Variants in AREL1 observed in about 807,000 individuals in gnomAD.
The protein encoded by AREL1 is apoptosis resistant E3 ubiquitin protein ligase 1.
AREL1 carries 62 observed loss-of-function variants against 99.0 expected under a neutral mutation model. That is an observed-to-expected ratio of 0.63 (90% CI 0.51 to 0.77). The LOEUF (loss-of-function observed/expected upper bound fraction) is 0.77. Ranked by LOEUF, AREL1 falls within the 30% of genes least tolerant of loss-of-function variation. The probability of loss-of-function intolerance (pLI) is 0.00; values close to 1 mark genes in which losing one functional copy is unlikely to be tolerated. For synonymous variants in AREL1, 380 were observed against 376.5 expected (o/e 1.01, Z -0.11); for missense variants, 879 against 1,027.6 (o/e 0.86, Z 1.98).
At chr14:74,705,001 G>A (rs1010071245) in intron 1 of AREL1, among the ~76,000 whole-genome samples, 17 of 151,248 alleles carry the variant, frequency 1.1e-4, no homozygotes, top group Admixed American at 1.1e-3. Context: ...CAAATTCAAT[G>A]CTGCACATTA....
chr14:74,673,978 A>C, intron 9 of AREL1, 56 bp downstream of exon 9: 2 of 1,448,474 alleles, frequency 1.4e-6, no homozygotes, highest in Non-Finnish European at 1.9e-6. Flanking sequence ...TAAAAGGCTG[A>C]GATAGTCCAG....
At chr14:74,685,524 G>A (rs1472904406) in intron 3 of AREL1, 76 bp downstream of exon 3, 1 of 1,534,166 alleles carries the variant, frequency 6.5e-7, no homozygotes, top group Non-Finnish European at 9.0e-7. Context: ...AAAGGGAAAA[G>A]AATAGGCAGA....
In AREL1 at chr14:74,675,695, C is replaced by T. The variant is rs751413375; in HGVS notation, c.1080+4G>A. On this transcript the variant is annotated splice_donor_region_variant and intron_variant, in intron 8 of 19. Transcript: ENST00000356357. ...GATTTTATGTCGAGAATGGAAGGTC[C>T]AACCTTTGGTGACACATAGCAGTAC... The T allele has an allele frequency of 6.8e-6, 11 of 1,612,404 alleles. No individual in the cohort carries two copies. Among genetic ancestry groups the T allele is most frequent in the Non-Finnish European group, 9.3e-6 (11 of 1,178,788 alleles).
At position 74,664,826 on chromosome 14, in the gene AREL1, G is replaced by A. The variant is rs1228435206; in HGVS notation, c.2193+10C>T. 6.2e-7 allele frequency: 1 copy of A among 1,611,162 alleles called. No individual in the cohort carries two copies. The highest frequency in any genetic ancestry group is 8.5e-7 in the Non-Finnish European group (1 of 1,178,300). The stretch of plus-strand genomic sequence containing the variant: ...CACAAATCCAACTGAAAGAAGTTTG[G>A]TCCATTTACCTTTTCTCTGAAATGC... On this transcript the variant is annotated intron_variant, in intron 18 of 19. Coordinates refer to ENST00000356357, the MANE Select transcript of AREL1 (RefSeq NM_001039479.2).
At chr14:74,690,461 C>T (rs2089853533) in intron 2 of AREL1, among the ~76,000 whole-genome samples, 2 of 152,102 alleles carry the variant, frequency 1.3e-5, no homozygotes, top group African/African-American at 2.4e-5. Context: ...TTGAGCCAGG[C>T]GTTGTAAGTT....
At chr14:74,697,579 C>CTCA (rs1402258925) in intron 1 of AREL1, among the ~76,000 whole-genome samples, 3 of 152,202 alleles carry the variant, frequency 2.0e-5, no homozygotes, top group Non-Finnish European at 4.4e-5. Flanking sequence ...GATATTTATA[C>CTCA]AGTTGTCTAT....
At position 74,670,866 on chromosome 14, in the gene AREL1, C is replaced by A; in HGVS notation, c.1504G>T (p.Asp502Tyr). 1 of 1,613,932 alleles carries A rather than the reference C, an allele frequency of 6.2e-7. No homozygotes were observed. Among genetic ancestry groups the A allele is most frequent in the Non-Finnish European group, 8.5e-7 (1 of 1,179,872 alleles). ...EVVFQDEEAL[D>Y]WGGPRREWFE... Reference sequence around the variant, plus strand: ...CATTCCCGGCGAGGCCCTCCCCAGTCCAGAGCTGAAAAGCATAATGAAAAT... The same window carrying A: ...CATTCCCGGCGAGGCCCTCCCCAGTACAGAGCTGAAAAGCATAATGAAAAT... Residue 502 changes from aspartate (D) to tyrosine (Y), a missense_variant, in exon 13 of 20, where the codon GAC becomes TAC. Physicochemically the swap from Asp to Tyr is radical, Grantham distance 160 (BLOSUM62 -3). Coordinates refer to ENST00000356357, the MANE Select transcript of AREL1 (RefSeq NM_001039479.2).
chr14:74,699,394 A>C (rs2090041112), intron 1 of AREL1, among the ~76,000 whole-genome samples: 1 of 148,012 alleles, frequency 6.8e-6, no homozygotes, highest in Admixed American at 6.7e-5. Flanking sequence ...AGAGAGAGAG[A>C]GCAAGAGCAA....
intron 12 of AREL1, 107 bp downstream of exon 12, chr14:74,671,301 T>G (rs1594757428): frequency 4.0e-4 from 125 of 311,828 alleles, no homozygotes; most frequent in Middle Eastern, 1.0e-3. Flanking sequence ...TTTTAGGGAG[T>G]GAGTAGGAGG....
At chr14:74,669,825 A>T (rs1566679817) in intron 14 of AREL1, 51 bp from the exon 15 acceptor site, 1 of 1,608,684 alleles carries the variant, frequency 6.2e-7, no homozygotes, top group Non-Finnish European at 8.5e-7. Context: ...TTGCCCTGAA[A>T]GGTGTAACTG....
chr14:74,699,364 TGTGTGTGTGTGTGAGA>T (rs769188283), intron 1 of AREL1, among the ~76,000 whole-genome samples: 7,188 of 143,166 alleles, frequency 0.05, 226 homozygotes, highest in Non-Finnish European at 0.069. Flanking sequence ...TGTGTGTGTG[TGTGTGTGTGTGTGAGA>T]GAGAGAGAGA....
chr14:74,687,371 C>T (rs1444835023), intron 2 of AREL1, among the ~76,000 whole-genome samples: 1 of 152,168 alleles, frequency 6.6e-6, no homozygotes, highest in East Asian at 1.9e-4. Flanking sequence ...AGAACAATCC[C>T]AGGACTGCAA....
chr14:74,684,349 T>C (rs541753790), intron 4 of AREL1, 105 bp downstream of exon 4: 388 of 1,018,136 alleles, frequency 3.8e-4, no homozygotes, highest in Non-Finnish European at 4.4e-4. Context: ...CTGGAGGGAG[T>C]TGAAAAACAA....
intron 15 of AREL1, among the ~76,000 whole-genome samples, chr14:74,667,879 A>G (rs1040295660): frequency 6.6e-6 from 1 of 152,228 alleles, no homozygotes; most frequent in Non-Finnish European, 1.5e-5. Flanking sequence ...GGAAGATACT[A>G]TGGCTCCTCG....
At chr14:74,664,448 C>CTTTTTT (rs56728679) in intron 18 of AREL1, among the ~76,000 whole-genome samples, 12 of 76,892 alleles carry the variant, frequency 1.6e-4, no homozygotes, top group African/African-American at 2.5e-4. Context: ...CTTTTCCTTT[C>CTTTTTT]TTTTTTTTTT....
chr14:74,675,757 C>A lies in AREL1; in HGVS notation c.1022G>T (p.Cys341Phe). The A allele has an allele frequency of 6.2e-7, 1 of 1,614,156 alleles. No individual in the cohort carries two copies. The highest frequency in any genetic ancestry group is 1.7e-4 in the Middle Eastern group (1 of 6,058). The change falls in exon 8 of 20, where the codon TGC becomes TTC. Residue 341 changes from cysteine (C) to phenylalanine (F), a missense_variant. By Grantham distance (205) the Cys-to-Phe change is radical. Transcript: ENST00000356357. ...DEEDEDSPSE[C>F]HTPEKVKKPK... is the part of the protein sequence containing the mutation. ...TTTCTTCACCTTCTCAGGGGTGTGG[C>A]ACTCAGAGGGCGAGTCTTCATCTTC...
intron 1 of AREL1, chr14:74,712,058 AAAAAAAAAAGAAAAAAAAAGAAAGAAAG>A (rs2090313172): frequency 1.8e-5 from 1 of 54,268 alleles, no homozygotes; most frequent in African/African-American, 7.9e-5. Context: ...AAAAAAAAAA[AAAAAAAAAAGAAAAAAAAAGAAAGAAAG>A]AAAGAAAGAA....
chr14:74,690,680 C>T (rs2089859253), intron 2 of AREL1, among the ~76,000 whole-genome samples: 1 of 152,214 alleles, frequency 6.6e-6, no homozygotes, highest in Non-Finnish European at 1.5e-5. Flanking sequence ...TGAGGCTCTA[C>T]TGTACTATTT....
At chr14:74,665,270 C>CTTTTTT (rs546774095) in intron 17 of AREL1, among the ~76,000 whole-genome samples, 2 of 136,390 alleles carry the variant, frequency 1.5e-5, no homozygotes, top group Non-Finnish European at 3.2e-5. Flanking sequence ...TCTTTCTTTT[C>CTTTTTT]TTTTTTTTTT....
Sources: gnomAD v4.1 joint callset for allele counts (sites outside exome capture counted in the v4.1 genomes callset) on GRCh38, gnomAD v4.1.1 for gene constraint, MANE v1.5 for transcripts, NCBI Gene and HGNC (gene_info 2026-07-23, HGNC 2026-07-21) for gene names.